Variants in DACH1 observed in about 807,000 individuals in gnomAD.
DACH1 encodes the protein dachshund homolog 1.
A neutral mutation model predicts 54.2 loss-of-function variants in DACH1; 12 were observed. The ratio of observed to expected loss-of-function variants is 0.22; its 90% CI spans 0.14 to 0.36. The LOEUF (loss-of-function observed/expected upper bound fraction) is 0.36. Ranked by LOEUF, DACH1 falls within the 10% of genes least tolerant of loss-of-function variation. DACH1 has a pLI of 1.00. For missense variants in DACH1, 805 were observed against 929.8 expected (o/e 0.87, Z 1.75); for synonymous variants, 386 against 366.2 (o/e 1.05, Z -0.62).
intron 3 of DACH1, among the ~76,000 whole-genome samples, chr13:71,597,069 C>A (rs1874148241): frequency 1.3e-5 from 2 of 152,072 alleles, no homozygotes; most frequent in South Asian, 4.2e-4. Flanking sequence ...GTCACTCAAG[C>A]CAGTCACTTC....
At chr13:71,694,851 T>C (rs976893448) in intron 1 of DACH1, among the ~76,000 whole-genome samples, 1 of 152,210 alleles carries the variant, frequency 6.6e-6, no homozygotes, top group Non-Finnish European at 1.5e-5. Flanking sequence ...AGAAATTACA[T>C]AATGTATGAA....
Position 71,479,252 on chromosome 13 carries a change from G to GT in DACH1, c.1786dup (p.Thr596AsnfsTer2). 1 of 1,613,658 alleles carries GT rather than the reference G, an allele frequency of 6.2e-7. No homozygotes were observed. The highest frequency in any genetic ancestry group is 8.5e-7 in the Non-Finnish European group (1 of 1,179,824). On this transcript the variant is annotated frameshift_variant, in exon 8 of 11. Coordinates refer to ENST00000613252, the MANE Select transcript of DACH1 (RefSeq NM_080759.6). LOFTEE classifies it high-confidence loss of function. The stretch of plus-strand genomic sequence containing the variant: ...CCTTAAAAAATCCATCTTCAGCTCA[G>GT]TTTTTTCCAGTTGGACCTGTTTCTC...
chr13:71,633,097 A>G (rs1877225780), intron 2 of DACH1, among the ~76,000 whole-genome samples: 1 of 152,164 alleles, frequency 6.6e-6, no homozygotes, highest in Non-Finnish European at 1.5e-5. Flanking sequence ...CTGCAGGGAA[A>G]ACTTGTTCAC....
intron 1 of DACH1, among the ~76,000 whole-genome samples, chr13:71,744,679 A>G (rs1884534313): frequency 6.6e-6 from 1 of 152,224 alleles, no homozygotes; most frequent in Non-Finnish European, 1.5e-5. Context: ...AATATTACAC[A>G]TGGGTGCCCA....
chr13:71,672,273 G>A lies in DACH1; in HGVS notation c.964+9522C>T, dbSNP rs17088385. ...CTTCATCATTTTACATGCAGAATAC[G>A]TTTAAATCAGTTCTTAAGTTAATGA... On this transcript the variant is annotated intron_variant, in intron 2 of 10. Transcript: ENST00000613252. 7.3e-3 allele frequency among the ~76,000 whole-genome samples: 1,117 copies of A among 152,198 alleles called. 13 individuals carry two copies. Among genetic ancestry groups the A allele is most frequent in the African/African-American group, 0.025 (1,021 of 41,562 alleles).
intron 1 of DACH1, among the ~76,000 whole-genome samples, chr13:71,857,151 T>A (rs954999622): frequency 5.4e-4 from 82 of 151,820 alleles, no homozygotes; most frequent in Non-Finnish European, 4.1e-4. Context: ...CTTATACATA[T>A]ATTTTTAAAC....
intron 3 of DACH1, among the ~76,000 whole-genome samples, chr13:71,573,234 C>A (rs999578163): frequency 1.6e-4 from 24 of 152,070 alleles, no homozygotes; most frequent in Non-Finnish European, 8.8e-5. Flanking sequence ...TACAAATGGT[C>A]AATTCTTTGC....
chr13:71,791,490 C>T (rs1886831238), intron 1 of DACH1, among the ~76,000 whole-genome samples: 1 of 152,096 alleles, frequency 6.6e-6, no homozygotes, highest in Non-Finnish European at 1.5e-5. Context: ...AAGTGATTCT[C>T]CTGTCTCAGC....
intron 1 of DACH1, among the ~76,000 whole-genome samples, chr13:71,860,456 C>CT (rs35326383): frequency 0.021 from 2,863 of 136,076 alleles, 84 homozygotes; most frequent in East Asian, 0.091. Context: ...CTTAATGTGA[C>CT]TTTTTTTTTT....
chr13:71,450,427 G>T (rs1459812694), intron 10 of DACH1, among the ~76,000 whole-genome samples: 1 of 152,018 alleles, frequency 6.6e-6, no homozygotes, highest in African/African-American at 2.4e-5. Context: ...CTTAATAAAT[G>T]TTGCGTGTGT....
intron 10 of DACH1, among the ~76,000 whole-genome samples, chr13:71,465,006 C>G (rs1876437438): frequency 6.6e-6 from 1 of 151,918 alleles, no homozygotes; most frequent in African/African-American, 2.4e-5. Context: ...AATTAGTTCT[C>G]CAAAATGATG....
chr13:71,772,303 T>C (rs1168660866), intron 1 of DACH1, among the ~76,000 whole-genome samples: 1 of 151,754 alleles, frequency 6.6e-6, no homozygotes, highest in South Asian at 2.1e-4. Context: ...AATCACACTT[T>C]TGTTAAAGCA....
intron 1 of DACH1, among the ~76,000 whole-genome samples, chr13:71,735,814 C>T (rs1008073089): frequency 8.6e-5 from 13 of 151,812 alleles, no homozygotes; most frequent in African/African-American, 3.1e-4. Context: ...CAAAATTTTA[C>T]CTGTTTTATT....
At chr13:71,844,355 T>C (rs1224046488) in intron 1 of DACH1, among the ~76,000 whole-genome samples, 1 of 152,148 alleles carries the variant, frequency 6.6e-6, no homozygotes, top group African/African-American at 2.4e-5. Flanking sequence ...ATGCATTTAG[T>C]CATCCACCAA....
chr13:71,457,103 C>T (rs1254244454), intron 10 of DACH1, among the ~76,000 whole-genome samples: 2 of 151,990 alleles, frequency 1.3e-5, no homozygotes, highest in Non-Finnish European at 2.9e-5. Flanking sequence ...ACTTCCCCTT[C>T]ATCAAAATAA....
intron 1 of DACH1, among the ~76,000 whole-genome samples, chr13:71,768,416 T>G (rs919076600): frequency 2.6e-5 from 4 of 152,004 alleles, no homozygotes; most frequent in South Asian, 4.1e-4. Context: ...TCTTACAGAT[T>G]GCCTTTCTTT....
intron 2 of DACH1, among the ~76,000 whole-genome samples, chr13:71,677,596 C>CT (rs1052802753): frequency 4.6e-5 from 7 of 151,800 alleles, no homozygotes; most frequent in African/African-American, 1.7e-4. Flanking sequence ...TAAAAAAAGT[C>CT]TTTTTTTTCC....
intron 1 of DACH1, among the ~76,000 whole-genome samples, chr13:71,748,904 C>CTT (rs1491224091): frequency 7.4e-5 from 2 of 27,148 alleles, no homozygotes; most frequent in East Asian, 9.3e-4. Context: ...CTTTCTCTTT[C>CTT]TTTCTTTCTT....
rs766184140 is a variant in DACH1, at chr13:71,559,876, C to T, written c.1379G>A (p.Arg460His). 13 of 1,612,690 alleles carry T rather than the reference C, an allele frequency of 8.1e-6. No individual in the cohort carries two copies. The highest frequency in any genetic ancestry group is 4.5e-5 in the East Asian group (2 of 44,720). The change falls in exon 5 of 11, where the codon CGC (arginine) becomes CAC (histidine). Residue 460 changes from arginine to histidine, a missense_variant. Physicochemically the swap from Arg to His is conservative, Grantham distance 29 (BLOSUM62 0). This residue lies in a region of DACH1 where 472 missense variants were observed against 545.3 expected (regional missense o/e 0.87). Coordinates refer to ENST00000613252, the MANE Select transcript of DACH1 (RefSeq NM_080759.6). ...RRPGSHPSSHRSSSVSSSPAR... is the reference protein window; with the variant it reads ...RRPGSHPSSHHSSSVSSSPAR... The stretch of plus-strand genomic sequence containing the variant: ...AGGGGAGCTGGACACGCTGCTGCTG[C>T]GATGTGATGATGGGTGACTGCCAGG...
Sources: gnomAD v4.1 joint callset for allele counts (sites outside exome capture counted in the v4.1 genomes callset) on GRCh38, gnomAD v4.1.1 for gene constraint, gnomAD v4.1.1 regional missense constraint, MANE v1.5 for transcripts, NCBI Gene and HGNC (gene_info 2026-07-23, HGNC 2026-07-21) for gene names.